Variants in MICU1 observed in about 807,000 individuals in gnomAD.
MICU1 encodes the protein calcium uptake protein 1, mitochondrial.
A neutral mutation model predicts 56.8 loss-of-function variants in MICU1; 45 were observed. That is an observed-to-expected ratio of 0.79 (90% CI 0.62 to 1.02). The LOEUF (loss-of-function observed/expected upper bound fraction) is 1.02. Among genes scored for constraint, MICU1 ranks in the 50% least tolerant of loss-of-function variants. The pLI, the probability that MICU1 is intolerant of heterozygous loss-of-function variation, is 0.00. For missense variants in MICU1, 504 were observed against 587.1 expected (o/e 0.86, Z 1.46); for synonymous variants, 186 against 195.1 (o/e 0.95, Z 0.39).
intron 3 of MICU1, among the ~76,000 whole-genome samples, chr10:72,559,777 G>A (rs1840246506): frequency 6.6e-6 from 1 of 152,194 alleles, no homozygotes; most frequent in African/African-American, 2.4e-5. Context: ...CCGTGGACTG[G>A]TACTGGTCCG....
intron 2 of MICU1, among the ~76,000 whole-genome samples, chr10:72,566,132 C>A (rs1165929678): frequency 1.3e-5 from 2 of 149,760 alleles, no homozygotes; most frequent in East Asian, 4.0e-4. Flanking sequence ...CAACCTCCAC[C>A]TGCCTCCCAG....
At chr10:72,415,619 C>T in intron 9 of MICU1, among the ~76,000 whole-genome samples, 1 of 152,196 alleles carries the variant, frequency 6.6e-6, no homozygotes, top group Non-Finnish European at 1.5e-5. Context: ...CACAACATGT[C>T]CATGATTTCC....
In MICU1 at chr10:72,587,081, C is replaced by T. The variant is rs200981526; in HGVS notation, c.-1-20287G>A. ...AGGCTCTTTGAGCAAAGGCAGTGAG[C>T]AAAGGCAGACTGAGAAAAATGTCAT... On this transcript the variant is annotated intron_variant, in intron 1 of 11. Transcript: ENST00000361114. Among the ~76,000 whole-genome samples, 5 of 152,102 alleles carry T rather than the reference C, an allele frequency of 3.3e-5. No individual in the cohort carries two copies. The East Asian group carries it at 9.6e-4, about 29-fold the overall frequency.
intron 6 of MICU1, among the ~76,000 whole-genome samples, chr10:72,485,168 G>A (rs752707054): frequency 1.3e-4 from 20 of 152,086 alleles, no homozygotes; most frequent in Non-Finnish European, 2.5e-4. Context: ...ATTAAGATGT[G>A]AGCAATAAAT....
At chr10:72,423,889 C>T (rs543605641) in intron 8 of MICU1, among the ~76,000 whole-genome samples, 1 of 152,150 alleles carries the variant, frequency 6.6e-6, no homozygotes, top group East Asian at 1.9e-4. Context: ...CCCAAAATAG[C>T]AATAAAATGT....
intron 1 of MICU1, among the ~76,000 whole-genome samples, chr10:72,579,938 CAAA>C (rs111515346): frequency 7.2e-6 from 1 of 138,278 alleles, no homozygotes; most frequent in African/African-American, 2.6e-5. Flanking sequence ...ATTCAAAAAT[CAAA>C]AAAAAAAAAA....
chr10:72,376,613 C>T (rs1862531203), intron 10 of MICU1, among the ~76,000 whole-genome samples: 1 of 152,084 alleles, frequency 6.6e-6, no homozygotes, highest in Non-Finnish European at 1.5e-5. Flanking sequence ...TGGAGTAACA[C>T]TCTATGTAAC....
chr10:72,531,908 C>CT (rs1034478597), intron 5 of MICU1, among the ~76,000 whole-genome samples: 3,844 of 137,702 alleles, frequency 0.028, 175 homozygotes, highest in African/African-American at 0.097. Context: ...AGTCCTTTAT[C>CT]TTTTTTTTTT....
intron 1 of MICU1, among the ~76,000 whole-genome samples, chr10:72,616,651 GAA>G (rs201165276): frequency 4.3e-5 from 6 of 140,128 alleles, no homozygotes; most frequent in South Asian, 2.3e-4. Context: ...TGGTTGGTGG[GAA>G]AAAAAAAAAA....
At chr10:72,573,978 A>C (rs1250878202) in intron 1 of MICU1, among the ~76,000 whole-genome samples, 1 of 152,116 alleles carries the variant, frequency 6.6e-6, no homozygotes, top group African/African-American at 2.4e-5. Flanking sequence ...CCATATCCTT[A>C]TCCTGACTTA....
intron 8 of MICU1, among the ~76,000 whole-genome samples, chr10:72,437,949 G>C: frequency 6.6e-6 from 1 of 151,968 alleles, no homozygotes; most frequent in East Asian, 1.9e-4. Flanking sequence ...AATAATAATG[G>C]GAGACTTTAA....
At chr10:72,610,656 T>C (rs994249651) in intron 1 of MICU1, among the ~76,000 whole-genome samples, 15 of 152,256 alleles carry the variant, frequency 9.9e-5, no homozygotes, top group Admixed American at 9.8e-4. Context: ...AATACAACTA[T>C]TACCAACTGA....
intron 9 of MICU1, among the ~76,000 whole-genome samples, chr10:72,412,334 A>G (rs985847502): frequency 6.6e-6 from 1 of 152,230 alleles, no homozygotes; most frequent in Non-Finnish European, 1.5e-5. Context: ...AATAATCAAA[A>G]GGAACTGTCT....
Position 72,566,705 on chromosome 10 carries a change from C to G in MICU1, c.89G>C (p.Arg30Pro). 1 of 1,612,654 alleles carries G rather than the reference C, an allele frequency of 6.2e-7. No homozygotes were observed. The highest frequency in any genetic ancestry group is 2.2e-5 in the East Asian group (1 of 44,836). The change falls in exon 2 of 12, where the codon CGG (arginine) becomes CCG (proline). Residue 30 changes from arginine to proline, a missense_variant. Arg to Pro is a moderately radical substitution (Grantham distance 103). Coordinates refer to ENST00000361114, the MANE Select transcript of MICU1 (RefSeq NM_001195518.2). ...GAAAGCCACCATCATTAGTCTTCGCCGGATCTGGATGGGCTGTGATCCTCC... is the reference window on the plus strand; with the variant it reads ...GAAAGCCACCATCATTAGTCTTCGCGGGATCTGGATGGGCTGTGATCCTCC... ...YHGGSQPIQI[R>P]RRLMMVAFLG...
intron 10 of MICU1, among the ~76,000 whole-genome samples, chr10:72,404,530 CTGAG>C (rs1374879738): frequency 6.6e-6 from 1 of 151,262 alleles, no homozygotes; most frequent in Non-Finnish European, 1.5e-5. Context: ...CCTAGGTAGA[CTGAG>C]TAAGAAATAT....
intron 1 of MICU1, among the ~76,000 whole-genome samples, chr10:72,571,296 G>A (rs1338440410): frequency 6.6e-6 from 1 of 152,148 alleles, no homozygotes; most frequent in East Asian, 1.9e-4. Context: ...CCGAGGAGGC[G>A]GAGGTTGTAG....
chr10:72,485,745 TTGGAATAAAAAA>T (rs1866449612), intron 6 of MICU1, among the ~76,000 whole-genome samples: 2 of 151,870 alleles, frequency 1.3e-5, no homozygotes, highest in South Asian at 4.2e-4. Flanking sequence ...TAAAGAGAAC[TTGGAATAAAAAA>T]TGCCAGATTG....
chr10:72,542,607 T>G (rs1309514505), intron 4 of MICU1, among the ~76,000 whole-genome samples: 1 of 152,196 alleles, frequency 6.6e-6, no homozygotes, highest in Non-Finnish European at 1.5e-5. Context: ...GTGCCTGCAA[T>G]TCCTGAAGCC....
At chr10:72,464,207 A>G (rs1865719393) in intron 8 of MICU1, among the ~76,000 whole-genome samples, 1 of 151,402 alleles carries the variant, frequency 6.6e-6, no homozygotes. Flanking sequence ...AATGCAGGAG[A>G]ATCACTTGAA....
Sources: allele counts gnomAD v4.1 joint callset (sites outside exome capture counted in the v4.1 genomes callset), GRCh38; gene constraint gnomAD v4.1.1; transcripts MANE v1.5; gene names NCBI Gene and HGNC (gene_info 2026-07-23, HGNC 2026-07-21).